The following DOCK4 variants were observed in gnomAD, a reference collection of about 807,000 sequenced individuals.
DOCK4 encodes dedicator of cytokinesis 4.
In DOCK4, 97 loss-of-function variants were observed where a neutral mutation model predicts 268.1. That is an observed-to-expected ratio of 0.36 (90% CI 0.31 to 0.43). The LOEUF (loss-of-function observed/expected upper bound fraction) is 0.43. Among genes scored for constraint, DOCK4 ranks in the 20% least tolerant of loss-of-function variants. The pLI is 1.00. For synonymous variants in DOCK4, 954 were observed against 887.2 expected (o/e 1.08, Z -1.34); for missense variants, 2,145 against 2,455.7 (o/e 0.87, Z 2.67).
chr7:111,989,391 T>C (rs29464), intron 5 of DOCK4, among the ~76,000 whole-genome samples: 68,432 of 152,010 alleles, frequency 0.45, 15,713 homozygotes, highest in African/African-American at 0.51. Flanking sequence ...TGTCCAGAAA[T>C]GCAACTTTAC....
At chr7:112,035,036 C>CTTT (rs1803629950) in intron 1 of DOCK4, among the ~76,000 whole-genome samples, 1 of 152,190 alleles carries the variant, frequency 6.6e-6, no homozygotes, top group South Asian at 2.1e-4. Context: ...AAGTCCTGGA[C>CTTT]ACACGGAGAT....
chr7:111,744,826 T>A (rs1017205030), intron 44 of DOCK4, among the ~76,000 whole-genome samples: 1 of 152,120 alleles, frequency 6.6e-6, no homozygotes, highest in African/African-American at 2.4e-5. Flanking sequence ...AAGTAATTCT[T>A]CTCTCTCTTC....
intron 16 of DOCK4, among the ~76,000 whole-genome samples, chr7:111,882,643 G>A (rs185785193): frequency 4.0e-5 from 6 of 151,828 alleles, no homozygotes; most frequent in East Asian, 1.9e-4. Context: ...ACTGAGTTTC[G>A]CTCTTGTCAC....
In DOCK4 at chr7:111,783,797, G is replaced by C. The variant is rs1798962042; in HGVS notation, c.3524+60C>G. ...GTGGAACGTTGATTGTATTCTATTT[G>C]ATTTTCTAACTGGAGTTCAGCATGA... On this transcript the variant is annotated intron_variant, in intron 34 of 52. Coordinates refer to ENST00000428084, the MANE Select transcript of DOCK4 (RefSeq NM_001363540.2). 7 of 1,411,688 alleles carry C rather than the reference G, an allele frequency of 5.0e-6. No homozygotes were observed. In the South Asian group the frequency reaches 8.7e-5, roughly 17 times the overall value. 87.4% of individuals were successfully genotyped at this position (1,411,688 alleles called of 1,614,324 possible). A position where few individuals can be genotyped will look rare whatever the true frequency, so the allele number is the denominator to read the frequency against.
chr7:111,993,817 A>C (rs908394356), intron 5 of DOCK4, among the ~76,000 whole-genome samples: 4 of 152,200 alleles, frequency 2.6e-5, no homozygotes, highest in African/African-American at 9.7e-5. Flanking sequence ...AAAGCCACCA[A>C]AATTGTCTTG....
intron 38 of DOCK4, 149 bp from the exon 39 acceptor site, chr7:111,765,371 A>G: frequency 1.6e-6 from 1 of 629,764 alleles, no homozygotes; most frequent in East Asian, 3.1e-5. Flanking sequence ...TTGATGCTTT[A>G]AGTCGGGGAT....
chr7:112,127,527 T>C (rs944866260), intron 1 of DOCK4, among the ~76,000 whole-genome samples: 1 of 151,266 alleles, frequency 6.6e-6, no homozygotes, highest in Non-Finnish European at 1.5e-5. Context: ...AACCTGCACA[T>C]TGTGCACATG....
chr7:111,789,658 T>G (rs1361928416), intron 31 of DOCK4, among the ~76,000 whole-genome samples: 1 of 152,212 alleles, frequency 6.6e-6, no homozygotes, highest in Non-Finnish European at 1.5e-5. Context: ...CCGATACAGG[T>G]GAAACACCCA....
intron 1 of DOCK4, among the ~76,000 whole-genome samples, chr7:112,014,648 C>G (rs1586644284): frequency 6.6e-6 from 1 of 152,316 alleles, no homozygotes; most frequent in South Asian, 2.1e-4. Context: ...CAAACAGATA[C>G]ACTTATAGTT....
intron 1 of DOCK4, among the ~76,000 whole-genome samples, chr7:112,118,761 G>A (rs1388716710): frequency 2.0e-5 from 3 of 152,030 alleles, no homozygotes; most frequent in Non-Finnish European, 1.5e-5. Context: ...AGCCTGTTTG[G>A]CAAGGGGAGA....
intron 1 of DOCK4, among the ~76,000 whole-genome samples, chr7:112,131,635 T>C (rs1404001856): frequency 6.6e-6 from 1 of 152,214 alleles, no homozygotes; most frequent in Non-Finnish European, 1.5e-5. Context: ...GATACATACA[T>C]TATTTATTCA....
At chr7:111,955,762 G>C (rs1041471324) in intron 8 of DOCK4, among the ~76,000 whole-genome samples, 1 of 152,150 alleles carries the variant, frequency 6.6e-6, no homozygotes, top group African/African-American at 2.4e-5. Context: ...CACATCTTCT[G>C]TGCTGTTACC....
intron 30 of DOCK4, among the ~76,000 whole-genome samples, chr7:111,795,200 G>A (rs1651674007): frequency 6.6e-6 from 1 of 152,152 alleles, no homozygotes; most frequent in South Asian, 2.1e-4. Flanking sequence ...TGGGTACAGT[G>A]GCACTCCTGG....
rs994686400 is a variant in DOCK4 at position 111,844,712 on chromosome 7, C to T, written c.2736+51G>A. ...TAACATCAAGCCACCTGCAACGTGACTGAAGCATAACCAGGCCCTGTTCCA... is the reference window on the plus strand; with the variant it reads ...TAACATCAAGCCACCTGCAACGTGATTGAAGCATAACCAGGCCCTGTTCCA... On this transcript the variant is annotated intron_variant, in intron 25 of 52. Transcript: ENST00000428084. 8.3e-6 allele frequency: 13 copies of T among 1,557,578 alleles called. No individual in the cohort carries two copies. In the African/African-American group the frequency reaches 1.6e-4, roughly 20 times the overall value.
chr7:112,062,772 C>T (rs563221163), intron 1 of DOCK4, among the ~76,000 whole-genome samples: 9 of 152,258 alleles, frequency 5.9e-5, no homozygotes, highest in East Asian at 1.9e-4. Flanking sequence ...CTCCACCTCC[C>T]GGGTTCAAGC....
At chr7:112,022,734 T>G (rs797002810) in intron 1 of DOCK4, among the ~76,000 whole-genome samples, 23 of 152,318 alleles carry the variant, frequency 1.5e-4, no homozygotes, top group African/African-American at 5.3e-4. Flanking sequence ...GTTGACCATT[T>G]CTTTGACTAC....
intron 10 of DOCK4, among the ~76,000 whole-genome samples, chr7:111,942,019 G>A (rs1795248576): frequency 6.6e-6 from 1 of 152,106 alleles, no homozygotes; most frequent in Non-Finnish European, 1.5e-5. Context: ...AGATGTTTTG[G>A]TGCCAGATCA....
intron 1 of DOCK4, among the ~76,000 whole-genome samples, chr7:112,052,998 GA>G (rs927469725): frequency 2.0e-5 from 3 of 152,146 alleles, no homozygotes; most frequent in Non-Finnish European, 4.4e-5. Context: ...AAGCCAAGTG[GA>G]AAACCAGTTA....
At chr7:111,790,346 G>T in intron 31 of DOCK4, 111 bp downstream of exon 31, 2 of 1,318,646 alleles carry the variant, frequency 1.5e-6, no homozygotes, top group Non-Finnish European at 2.1e-6. Flanking sequence ...CTGGAATCTA[G>T]GTCTGCTGAC....
Sources: gnomAD v4.1 joint callset for allele counts (sites outside exome capture counted in the v4.1 genomes callset) on GRCh38, gnomAD v4.1.1 for gene constraint, MANE v1.5 for transcripts, NCBI Gene and HGNC (gene_info 2026-07-23, HGNC 2026-07-21) for gene names.